Variants in VWC2L observed in about 807,000 individuals in gnomAD.
The protein encoded by VWC2L is von Willebrand factor C domain-containing protein 2-like.
Under a neutral mutation model 21.6 loss-of-function variants are expected in VWC2L, and 10 were observed. That is an observed-to-expected ratio of 0.46 (90% CI 0.29 to 0.78). The LOEUF (loss-of-function observed/expected upper bound fraction) is 0.78. Among genes scored for constraint, VWC2L ranks in the 30% least tolerant of loss-of-function variants. The probability of loss-of-function intolerance (pLI) is 0.10; values close to 1 mark genes in which losing one functional copy is unlikely to be tolerated. For missense variants in VWC2L, 209 were observed against 277.1 expected, an observed-to-expected ratio of 0.75 and a Z score of 1.74; for synonymous variants, 96 against 94.3, an observed-to-expected ratio of 1.02 and a Z score of -0.10.
intron 3 of VWC2L, among the ~76,000 whole-genome samples, chr2:214,563,514 T>G (rs1690009373): frequency 8.0e-6 from 1 of 124,890 alleles, no homozygotes; most frequent in African/African-American, 3.3e-5. Context: ...GCCACTGCAC[T>G]CCAGCCTGGG....
chr2:214,451,316 G>GA (rs1393073474), intron 3 of VWC2L, among the ~76,000 whole-genome samples: 1 of 149,532 alleles, frequency 6.7e-6, no homozygotes, highest in Non-Finnish European at 1.5e-5. Context: ...TGTGGGGGGG[G>GA]GGGGCAGTAA....
chr2:214,441,100 A>T (rs369120512), intron 3 of VWC2L, among the ~76,000 whole-genome samples: 4 of 152,186 alleles, frequency 2.6e-5, no homozygotes, highest in East Asian at 3.8e-4. Context: ...ACTCTCTTCT[A>T]GTTTAGTAGT....
chr2:214,520,380 T>TG (rs913978972), intron 3 of VWC2L, among the ~76,000 whole-genome samples: 13 of 151,962 alleles, frequency 8.6e-5, no homozygotes, highest in African/African-American at 1.7e-4. Context: ...CATTTTTTTT[T>TG]AATGTAGCAT....
chr2:214,445,078 TA>T (rs930490271), intron 3 of VWC2L, among the ~76,000 whole-genome samples: 83 of 151,506 alleles, frequency 5.5e-4, no homozygotes, highest in South Asian at 2.5e-3. Flanking sequence ...GTAGTTAGGT[TA>T]AAAAAAATAA....
At chr2:214,432,121 T>G (rs6435826) in intron 2 of VWC2L, among the ~76,000 whole-genome samples, 48,133 of 152,072 alleles carry the variant, frequency 0.32, 7,998 homozygotes, top group Middle Eastern at 0.38. Flanking sequence ...TCACGCATAA[T>G]GAACACAGAT....
At chr2:214,462,263 G>A (rs1245700727) in intron 3 of VWC2L, among the ~76,000 whole-genome samples, 1 of 152,156 alleles carries the variant, frequency 6.6e-6, no homozygotes. Flanking sequence ...GGGGGCAAGG[G>A]CTAGCATCAC....
At chr2:214,445,987 T>C (rs1702832206) in intron 3 of VWC2L, among the ~76,000 whole-genome samples, 1 of 152,196 alleles carries the variant, frequency 6.6e-6, no homozygotes, top group South Asian at 2.1e-4. Flanking sequence ...ATTTTATGCA[T>C]CTATTAGGGA....
chr2:214,546,010 G>A (rs551215750), intron 3 of VWC2L, among the ~76,000 whole-genome samples: 8 of 152,144 alleles, frequency 5.3e-5, no homozygotes, highest in East Asian at 3.9e-4. Flanking sequence ...TATCACCTCC[G>A]TCTCCAGCCC....
chr2:214,455,365 A>G (rs1306026909), intron 3 of VWC2L, among the ~76,000 whole-genome samples: 2 of 152,200 alleles, frequency 1.3e-5, no homozygotes, highest in African/African-American at 4.8e-5. Flanking sequence ...ATATTCCCTT[A>G]GTAAACTTTT....
At position 214,436,650 on chromosome 2, in the gene VWC2L, C is replaced by T. The variant is rs768752069; in HGVS notation, c.412C>T (p.Arg138Cys). ...CTAGCCCTCTCCATGTGAATGGTGT[C>T]GCTGTGAGCCCAGCAATGAAGTTCA... ...EFKPSPCEWC[R>C]CEPSNEVHCV... Residue 138 changes from arginine (R) to cysteine (C), a missense_variant, in exon 3 of 4, where the codon CGC (arginine) becomes TGC (cysteine). By Grantham distance (180) the Arg-to-Cys change is radical (BLOSUM62 -3). Coordinates refer to ENST00000312504, the MANE Select transcript of VWC2L (RefSeq NM_001080500.4). 6.2e-7 allele frequency: 1 copy of T among 1,613,268 alleles called. No individual in the cohort carries two copies. Among genetic ancestry groups the T allele is most frequent in the Non-Finnish European group, 8.5e-7 (1 of 1,179,404 alleles).
intron 3 of VWC2L, among the ~76,000 whole-genome samples, chr2:214,516,941 C>T (rs1047643652): frequency 1.4e-4 from 22 of 152,180 alleles, no homozygotes; most frequent in African/African-American, 5.3e-4. Flanking sequence ...GTACACTAAA[C>T]CCTATCTTCT....
At chr2:214,520,999 G>A (rs561341764) in intron 3 of VWC2L, among the ~76,000 whole-genome samples, 4 of 151,914 alleles carry the variant, frequency 2.6e-5, no homozygotes, top group South Asian at 2.1e-4. Context: ...TGAGGCGGGT[G>A]GATCACGAGG....
chr2:214,466,803 AG>A (rs1703224431), intron 3 of VWC2L, among the ~76,000 whole-genome samples: 2 of 152,250 alleles, frequency 1.3e-5, no homozygotes, highest in East Asian at 3.9e-4. Flanking sequence ...GTTTCTACTT[AG>A]GTTTTGTGAA....
At chr2:214,455,238 T>G (rs1703038212) in intron 3 of VWC2L, among the ~76,000 whole-genome samples, 1 of 152,154 alleles carries the variant, frequency 6.6e-6, no homozygotes, top group East Asian at 1.9e-4. Context: ...AAAAAAGACT[T>G]TTAAAATAAA....
chr2:214,485,489 T>G (rs1688662156), intron 3 of VWC2L, among the ~76,000 whole-genome samples: 1 of 152,140 alleles, frequency 6.6e-6, no homozygotes, highest in Non-Finnish European at 1.5e-5. Flanking sequence ...CTTCCTCTTC[T>G]GAAAAATAAG....
intron 3 of VWC2L, among the ~76,000 whole-genome samples, chr2:214,489,131 A>G (rs1056722019): frequency 1.3e-5 from 2 of 152,172 alleles, no homozygotes; most frequent in African/African-American, 4.8e-5. Context: ...TTTTGGGTTT[A>G]GTCCCCAATC....
chr2:214,413,240 G>A (rs182033485), intron 1 of VWC2L, among the ~76,000 whole-genome samples: 155 of 151,834 alleles, frequency 1.0e-3, no homozygotes, highest in Non-Finnish European at 1.7e-3. Context: ...CTCATAAATT[G>A]TATTTATATT....
Position 214,575,958 on chromosome 2 carries a change from A to T in VWC2L, c.*138A>T. ...CCAGCAAAACTTTCTAGGGTTGACAAAAGTGAATATTTTCCTAAGAGGAAA... is the reference window on the plus strand; with the variant it reads ...CCAGCAAAACTTTCTAGGGTTGACATAAGTGAATATTTTCCTAAGAGGAAA... On this transcript the variant is annotated 3_prime_UTR_variant, in exon 4 of 4. Coordinates refer to ENST00000312504, the MANE Select transcript of VWC2L (RefSeq NM_001080500.4). 1 of 941,380 alleles carries T rather than the reference A, an allele frequency of 1.1e-6. No homozygotes were observed. Among genetic ancestry groups the T allele is most frequent in the Non-Finnish European group, 1.6e-6 (1 of 642,606 alleles). The allele number at this position is 941,380 out of a possible 1,614,324, so 58.3% of individuals were successfully genotyped here.
Position 214,499,212 on chromosome 2 carries a change from G to A in VWC2L, c.520+62454G>A, listed in dbSNP as rs570285703. ...TTTTGTATTTTTAGTAGAGATGGGT[G>A]TTTCACCATCTTGGCCAGGCTGGTC... On this transcript the variant is annotated intron_variant, in intron 3 of 3. Transcript: ENST00000312504. Among the ~76,000 whole-genome samples the A allele has an allele frequency of 6.6e-5, 10 of 151,434 alleles. No homozygotes were observed. In the East Asian group the frequency reaches 1.8e-3, roughly 27 times the overall value.
Sources: gnomAD v4.1 joint callset for allele counts (sites outside exome capture counted in the v4.1 genomes callset) on GRCh38, gnomAD v4.1.1 for gene constraint, MANE v1.5 for transcripts, NCBI Gene and HGNC (gene_info 2026-07-23, HGNC 2026-07-21) for gene names.